The following HSD17B12 variants were observed in gnomAD, a reference collection of about 807,000 sequenced individuals.
HSD17B12 encodes the protein very-long-chain 3-oxoacyl-CoA reductase.
HSD17B12 carries 32 observed loss-of-function variants against 39.3 expected under a neutral mutation model. The observed-to-expected ratio is 0.81, with a 90% CI of 0.61 to 1.09. The LOEUF (loss-of-function observed/expected upper bound fraction) is 1.09, where lower values mean the gene tolerates loss of function less well. Ranked by LOEUF, HSD17B12 falls within the 50% of genes least tolerant of loss-of-function variation. HSD17B12 has a pLI of 0.00. For missense variants in HSD17B12, 342 were observed against 382.9 expected (o/e 0.89, Z 0.89); for synonymous variants, 150 against 146.7 (o/e 1.02, Z -0.16).
In HSD17B12 at chr11:43,810,421, G is replaced by A. The variant is rs1951061890; in HGVS notation, c.392-5016G>A. Among the ~76,000 whole-genome samples, 3 of 137,272 alleles carry A rather than the reference G, an allele frequency of 2.2e-5. No homozygotes were observed. In the Admixed American group the frequency reaches 2.3e-4, roughly 10 times the overall value. 90.1% of individuals were successfully genotyped at this position (137,272 alleles called of 152,430 possible). On this transcript the variant is annotated intron_variant, in intron 4 of 10. Transcript: ENST00000278353. ...TATATATAAAATTCAGAATTATTCC[G>A]TGGATTTTCTGTGTCTTTAAAATGC...
chr11:43,703,024 T>C (rs1196899375), intron 1 of HSD17B12, among the ~76,000 whole-genome samples: 1 of 152,034 alleles, frequency 6.6e-6, no homozygotes, highest in Non-Finnish European at 1.5e-5. Flanking sequence ...TTCCTTTTTT[T>C]GTTGTTGTTG....
chr11:43,735,829 G>A (rs1232491621), intron 1 of HSD17B12, among the ~76,000 whole-genome samples: 2 of 152,160 alleles, frequency 1.3e-5, no homozygotes, highest in Non-Finnish European at 2.9e-5. Flanking sequence ...AATCATGGTG[G>A]AAGATGAAGG....
chr11:43,659,694 A>G, the HSD17B12 span, among the ~76,000 whole-genome samples: 2 of 152,236 alleles, frequency 1.3e-5, no homozygotes, highest in African/African-American at 4.8e-5. Context: ...GGAAGAAAAT[A>G]TTTGCAAGAC....
the HSD17B12 span, among the ~76,000 whole-genome samples, chr11:43,615,398 G>A: frequency 6.6e-6 from 1 of 152,140 alleles, no homozygotes; most frequent in African/African-American, 2.4e-5. Flanking sequence ...GCACAATTTA[G>A]TGTTCAGCTA....
At chr11:43,657,582 T>G in the HSD17B12 span, among the ~76,000 whole-genome samples, 38 of 152,252 alleles carry the variant, frequency 2.5e-4, 1 homozygote, top group East Asian at 3.3e-3. Flanking sequence ...CAGGAGCTCT[T>G]TTAGGGCAGG....
intron 1 of HSD17B12, 181 bp downstream of exon 1, chr11:43,681,168 C>A: frequency 7.1e-7 from 1 of 1,401,868 alleles, no homozygotes; most frequent in Non-Finnish European, 9.2e-7. Flanking sequence ...GCTTAGACTA[C>A]TTGCAGAGTT....
At chr11:43,781,717 C>T (rs1162730025) in intron 3 of HSD17B12, among the ~76,000 whole-genome samples, 4 of 152,034 alleles carry the variant, frequency 2.6e-5, no homozygotes, top group Admixed American at 2.6e-4. Flanking sequence ...TAGGAAGTTT[C>T]CTTACTGTCC....
chr11:43,812,967 G>A (rs748924844), intron 4 of HSD17B12, among the ~76,000 whole-genome samples: 19 of 151,976 alleles, frequency 1.3e-4, no homozygotes, highest in Non-Finnish European at 2.4e-4. Context: ...TCAGCCTCCC[G>A]AGTAGCTGGG....
At chr11:43,682,544 CAAAAAAAAAA>C (rs55938101) in intron 1 of HSD17B12, among the ~76,000 whole-genome samples, 1 of 118,446 alleles carries the variant, frequency 8.4e-6, no homozygotes, top group Non-Finnish European at 1.7e-5. Context: ...AGACTCATCT[CAAAAAAAAAA>C]AAAAAAAAAA....
At chr11:43,619,198 G>C in the HSD17B12 span, among the ~76,000 whole-genome samples, 8 of 42,336 alleles carry the variant, frequency 1.9e-4, no homozygotes, top group East Asian at 1.2e-3. Context: ...ATATATATAT[G>C]ATATATATAT....
At chr11:43,658,225 G>T in the HSD17B12 span, among the ~76,000 whole-genome samples, 14 of 152,082 alleles carry the variant, frequency 9.2e-5, no homozygotes, top group Admixed American at 8.5e-4. Flanking sequence ...TGTAGTTCTC[G>T]TGACATGGTT....
Position 43,849,074 on chromosome 11 carries a change from G to A in HSD17B12, c.685-5641G>A, listed in dbSNP as rs546627484. Among the ~76,000 whole-genome samples the A allele has an allele frequency of 2.0e-5, 3 of 152,306 alleles. 1 individual carries two copies. The South Asian group carries it at 6.2e-4, about 32-fold the overall frequency. On this transcript the variant is annotated intron_variant, in intron 9 of 10. Transcript: ENST00000278353. ...TCCCAACACTTTGGGAGGCTGAGAT[G>A]TATGGATTGCTTGGGCTCATTGAGT...
At chr11:43,667,817 AT>A in the HSD17B12 span, among the ~76,000 whole-genome samples, 1 of 152,192 alleles carries the variant, frequency 6.6e-6, no homozygotes, top group East Asian at 1.9e-4. Flanking sequence ...ATTTTGGAGT[AT>A]TTCAGATTTT....
chr11:43,605,561 C>CA, the HSD17B12 span, among the ~76,000 whole-genome samples: 18,249 of 74,284 alleles, frequency 0.25, 1,628 homozygotes, highest in Middle Eastern at 0.37. Flanking sequence ...AACTCCATCT[C>CA]AAAAAAAAAA....
chr11:43,714,070 G>A (rs1396657333), intron 1 of HSD17B12, among the ~76,000 whole-genome samples: 3 of 152,130 alleles, frequency 2.0e-5, no homozygotes, highest in Admixed American at 2.0e-4. Flanking sequence ...CCATTCTGTA[G>A]GTTGCCTGTT....
chr11:43,559,038 A>G, the HSD17B12 span, among the ~76,000 whole-genome samples: 1 of 152,230 alleles, frequency 6.6e-6, no homozygotes, highest in Admixed American at 6.5e-5. Context: ...TGCCGGTGTG[A>G]AGTAAAACCA....
At chr11:43,706,222 A>C (rs1277682113) in intron 1 of HSD17B12, among the ~76,000 whole-genome samples, 1 of 152,146 alleles carries the variant, frequency 6.6e-6, no homozygotes, top group Non-Finnish European at 1.5e-5. Flanking sequence ...TATAAGGCCG[A>C]AGTCTAAAAG....
chr11:43,595,682 C>T, the HSD17B12 span, among the ~76,000 whole-genome samples: 8 of 152,114 alleles, frequency 5.3e-5, no homozygotes, highest in Non-Finnish European at 8.8e-5. Flanking sequence ...TGGTAATCCC[C>T]GGTGGGGAGT....
the HSD17B12 span, among the ~76,000 whole-genome samples, chr11:43,604,244 C>T: frequency 4.6e-5 from 7 of 152,020 alleles, no homozygotes; most frequent in Non-Finnish European, 1.0e-4. Flanking sequence ...GAGAATTTAT[C>T]GTATATAACT....
Sources: allele counts gnomAD v4.1 joint callset (sites outside exome capture counted in the v4.1 genomes callset), GRCh38; gene constraint gnomAD v4.1.1; transcripts MANE v1.5; gene names NCBI Gene and HGNC (gene_info 2026-07-23, HGNC 2026-07-21).